The following TLL1 variants were observed in gnomAD, a reference collection of about 807,000 sequenced individuals.
TLL1 encodes the protein tolloid like 1.
TLL1 carries 49 observed loss-of-function variants against 128.2 expected under a neutral mutation model. The observed-to-expected ratio is 0.38, with a 90% CI of 0.30 to 0.48. The LOEUF is 0.48. TLL1 is among the 20% of genes least tolerant of loss of function. TLL1 has a pLI of 0.96. For synonymous variants in TLL1, 454 were observed against 418.8 expected, an observed-to-expected ratio of 1.08 and a Z score of -1.03; for missense variants, 1,123 against 1,242.0, an observed-to-expected ratio of 0.90 and a Z score of 1.44.
intron 1 of TLL1, among the ~76,000 whole-genome samples, chr4:165,955,075 A>G (rs1033458664): frequency 1.8e-4 from 28 of 152,258 alleles, no homozygotes; most frequent in African/African-American, 6.5e-4. Flanking sequence ...CATCTTAAGA[A>G]AAAACCAGTT....
At chr4:165,977,355 C>T (rs1244170316) in intron 1 of TLL1, among the ~76,000 whole-genome samples, 1 of 152,122 alleles carries the variant, frequency 6.6e-6, no homozygotes, top group Non-Finnish European at 1.5e-5. Flanking sequence ...TGCACACACT[C>T]TCTCGCCTGC....
chr4:166,014,848 A>G (rs1237773121), intron 8 of TLL1, among the ~76,000 whole-genome samples: 1 of 152,018 alleles, frequency 6.6e-6, no homozygotes, highest in Non-Finnish European at 1.5e-5. Context: ...CTTGATAGTC[A>G]TTAATTAAAT....
rs188088973 is a variant in TLL1 at position 166,072,329 on chromosome 4, A to G, written c.2189-2549A>G. 2.3e-3 allele frequency among the ~76,000 whole-genome samples: 346 copies of G among 151,906 alleles called. 5 individuals carry two copies. The highest frequency in any genetic ancestry group is 1.6e-4 in the Non-Finnish European group (11 of 67,884). On this transcript the variant is annotated intron_variant, in intron 16 of 20. Transcript: ENST00000061240. ...ATACTTAGAGAATAATGACTATATAAATAATAATAATAACTCTTCTTCTTC... is the reference window on the plus strand; with the variant it reads ...ATACTTAGAGAATAATGACTATATAGATAATAATAATAACTCTTCTTCTTC...
chr4:166,052,114 T>C (rs1739768331), intron 12 of TLL1, among the ~76,000 whole-genome samples: 1 of 152,154 alleles, frequency 6.6e-6, no homozygotes, highest in Non-Finnish European at 1.5e-5. Flanking sequence ...TTCTTTTTAA[T>C]CATTGAAGAA....
chr4:166,060,968 C>A (rs577485576), intron 15 of TLL1, among the ~76,000 whole-genome samples: 36 of 152,098 alleles, frequency 2.4e-4, no homozygotes, highest in Non-Finnish European at 4.4e-4. Flanking sequence ...CCTTTGCATC[C>A]TTTTCTCCCA....
At chr4:165,970,374 C>G (rs1234193298) in intron 1 of TLL1, among the ~76,000 whole-genome samples, 3 of 152,098 alleles carry the variant, frequency 2.0e-5, no homozygotes, top group African/African-American at 7.2e-5. Flanking sequence ...CAGTGGGAAT[C>G]TACCACAACA....
intron 1 of TLL1, among the ~76,000 whole-genome samples, chr4:165,947,140 G>A (rs1360437519): frequency 1.3e-5 from 2 of 152,106 alleles, no homozygotes; most frequent in Non-Finnish European, 2.9e-5. Flanking sequence ...TCATTCTGAG[G>A]CTGCTGTCTT....
intron 5 of TLL1, among the ~76,000 whole-genome samples, chr4:165,999,770 A>T (rs1223376714): frequency 4.6e-5 from 7 of 152,062 alleles, no homozygotes; most frequent in African/African-American, 1.2e-4. Flanking sequence ...CACCATGCTC[A>T]GCCCTGGAAA....
In TLL1 at chr4:165,989,457, G is replaced by T; in HGVS notation, c.246G>T (p.Thr82=). Residue 82 remains threonine (T), a synonymous_variant, in exon 2 of 21, where the codon ACG becomes ACT. Transcript: ENST00000061240. ...AAATAGATAGGACAATTGACCTTAC[G>T]CAGAACCCCTTTGGAAACCTTGGAC... is the stretch of plus-strand genomic sequence containing the variant. The part of the protein sequence containing the change: ...IFQIDRTIDL[T]QNPFGNLGHT... 4 of 1,612,696 alleles carry T rather than the reference G, an allele frequency of 2.5e-6. No individual in the cohort carries two copies. The highest frequency in any genetic ancestry group is 3.4e-6 in the Non-Finnish European group (4 of 1,179,236).
chr4:165,991,186 A>T (rs1282310459), intron 2 of TLL1, among the ~76,000 whole-genome samples: 1 of 151,960 alleles, frequency 6.6e-6, no homozygotes, highest in Admixed American at 6.6e-5. Context: ...TATTTAATTT[A>T]ATTTTATTTA....
chr4:166,021,953 T>G (rs892258632), intron 8 of TLL1, among the ~76,000 whole-genome samples: 1 of 152,228 alleles, frequency 6.6e-6, no homozygotes, highest in African/African-American at 2.4e-5. Context: ...TGGTTTGGGC[T>G]TGGCTATGCA....
At chr4:165,907,251 A>AT (rs1367474867) in intron 1 of TLL1, among the ~76,000 whole-genome samples, 1 of 152,120 alleles carries the variant, frequency 6.6e-6, no homozygotes, top group Non-Finnish European at 1.5e-5. Flanking sequence ...GACTCAAGCC[A>AT]TATTTTTTTT....
chr4:165,931,909 T>C (rs1309414225), intron 1 of TLL1, among the ~76,000 whole-genome samples: 4 of 152,134 alleles, frequency 2.6e-5, no homozygotes, highest in African/African-American at 9.7e-5. Flanking sequence ...GTAGAAGCTA[T>C]GCTAAGTTGA....
chr4:165,992,140 C>CT (rs1044197538), intron 2 of TLL1, among the ~76,000 whole-genome samples: 21 of 152,042 alleles, frequency 1.4e-4, no homozygotes, highest in African/African-American at 4.6e-4. Flanking sequence ...GCACTACAGA[C>CT]TTTTTTTACA....
At chr4:165,904,045 A>G (rs4691224) in intron 1 of TLL1, among the ~76,000 whole-genome samples, 75,565 of 151,838 alleles carry the variant, frequency 0.5, 20,178 homozygotes, top group East Asian at 0.87. Context: ...AATTTTGCAT[A>G]TATCTTTTGT....
intron 9 of TLL1, among the ~76,000 whole-genome samples, chr4:166,027,928 G>C (rs369288703): frequency 1.6e-4 from 25 of 151,948 alleles, no homozygotes; most frequent in African/African-American, 6.0e-4. Flanking sequence ...CAAAAATGTT[G>C]TAAATAGGAA....
intron 1 of TLL1, among the ~76,000 whole-genome samples, chr4:165,884,289 AT>A: frequency 6.6e-6 from 1 of 152,328 alleles, no homozygotes; most frequent in Non-Finnish European, 1.5e-5. Flanking sequence ...AGATACTATT[AT>A]AAATTATGGT....
intron 9 of TLL1, among the ~76,000 whole-genome samples, chr4:166,035,745 T>C (rs1469399780): frequency 6.6e-6 from 1 of 152,224 alleles, no homozygotes; most frequent in Non-Finnish European, 1.5e-5. Context: ...TATTGGTTTT[T>C]GCAGGCTGTA....
At chr4:166,017,056 C>T (rs1016354283) in intron 8 of TLL1, among the ~76,000 whole-genome samples, 7 of 151,948 alleles carry the variant, frequency 4.6e-5, no homozygotes, top group African/African-American at 1.5e-4. Flanking sequence ...AAGCATAGAA[C>T]CCAACAGGTA....
Sources: allele counts gnomAD v4.1 joint callset (sites outside exome capture counted in the v4.1 genomes callset), GRCh38; gene constraint gnomAD v4.1.1; transcripts MANE v1.5; gene names NCBI Gene and HGNC (gene_info 2026-07-23, HGNC 2026-07-21).